Variants in GRM7 observed in about 807,000 individuals in gnomAD.
The protein encoded by GRM7 is metabotropic glutamate receptor 7.
GRM7 carries 35 observed loss-of-function variants against 84.5 expected under a neutral mutation model. The ratio of observed to expected loss-of-function variants is 0.41; its 90% CI spans 0.32 to 0.55. GRM7 has a LOEUF of 0.55. Ranked by LOEUF, GRM7 falls within the 20% of genes least tolerant of loss-of-function variation. The pLI, the probability that GRM7 is intolerant of heterozygous loss-of-function variation, is 0.19. For missense variants in GRM7, 1,003 were observed against 1,194.6 expected (o/e 0.84, Z 2.36); for synonymous variants, 487 against 455.1 (o/e 1.07, Z -0.89).
At chr3:7,529,855 T>TGTC (rs538797039) in intron 7 of GRM7, among the ~76,000 whole-genome samples, 126 of 143,844 alleles carry the variant, frequency 8.8e-4, no homozygotes, top group African/African-American at 2.9e-3. Flanking sequence ...ACAAATAAGC[T>TGTC]GTTGTTGTTG....
chr3:7,668,479 C>T lies in GRM7; in HGVS notation c.2452-11570C>T, dbSNP rs181248734. 9.2e-5 allele frequency among the ~76,000 whole-genome samples: 14 copies of T among 152,312 alleles called. No individual in the cohort carries two copies. The East Asian group carries it at 1.4e-3, about 15-fold the overall frequency. ...CCTCCCTTTCTCTCTCTCTCTTTTACGCACATGTACACATTTAAATATGGA... is the reference window on the plus strand; with the variant it reads ...CCTCCCTTTCTCTCTCTCTCTTTTATGCACATGTACACATTTAAATATGGA... On this transcript the variant is annotated intron_variant, in intron 8 of 9. Coordinates refer to ENST00000357716, the MANE Select transcript of GRM7 (RefSeq NM_000844.4).
chr3:6,909,925 C>A (rs909769488), intron 1 of GRM7, among the ~76,000 whole-genome samples: 3 of 151,896 alleles, frequency 2.0e-5, no homozygotes, highest in South Asian at 2.1e-4. Flanking sequence ...CTTTAGGGGG[C>A]AAATTTATGT....
intron 4 of GRM7, among the ~76,000 whole-genome samples, chr3:7,364,481 A>G (rs1487017662): frequency 2.0e-5 from 3 of 151,782 alleles, no homozygotes; most frequent in African/African-American, 7.2e-5. Flanking sequence ...CTTTGTTGCA[A>G]AAATTGACAT....
chr3:7,639,121 A>G (rs1698244413), intron 8 of GRM7, among the ~76,000 whole-genome samples: 1 of 152,142 alleles, frequency 6.6e-6, no homozygotes, highest in Non-Finnish European at 1.5e-5. Flanking sequence ...CTCGAAGACA[A>G]TCCTACATGG....
chr3:7,222,514 T>C (rs1378320750), intron 2 of GRM7, among the ~76,000 whole-genome samples: 1 of 152,084 alleles, frequency 6.6e-6, no homozygotes, highest in African/African-American at 2.4e-5. Flanking sequence ...GCCAATGGCC[T>C]GAATGAGTTT....
chr3:7,494,777 T>C (rs1252693081), intron 7 of GRM7, among the ~76,000 whole-genome samples: 1 of 152,216 alleles, frequency 6.6e-6, no homozygotes, highest in Admixed American at 6.6e-5. Context: ...TTAAGCAATA[T>C]TGTTTTCACT....
At chr3:7,726,516 T>C (rs1343318651) in intron 9 of GRM7, among the ~76,000 whole-genome samples, 1 of 149,308 alleles carries the variant, frequency 6.7e-6, no homozygotes, top group Non-Finnish European at 1.5e-5. Context: ...TTTTGAAAAG[T>C]TTAAAACTTA....
At chr3:7,132,897 TACTTGACTATTCAATAA>T (rs1693651709) in intron 1 of GRM7, among the ~76,000 whole-genome samples, 3 of 152,268 alleles carry the variant, frequency 2.0e-5, no homozygotes, top group African/African-American at 7.2e-5. Context: ...CCATGTAGTT[TACTTGACTATTCAATAA>T]ACCATAACAC....
chr3:7,231,347 A>T (rs1697191523), intron 2 of GRM7, among the ~76,000 whole-genome samples: 1 of 152,230 alleles, frequency 6.6e-6, no homozygotes, highest in Non-Finnish European at 1.5e-5. Context: ...GCATTTAAAT[A>T]TGTTTCTTTG....
At chr3:6,983,083 T>C (rs1289374286) in intron 1 of GRM7, among the ~76,000 whole-genome samples, 1 of 152,220 alleles carries the variant, frequency 6.6e-6, no homozygotes, top group African/African-American at 2.4e-5. Flanking sequence ...TATAAAATTG[T>C]CTCTGCTTTT....
chr3:7,415,781 T>C (rs921059316), intron 5 of GRM7, among the ~76,000 whole-genome samples: 1 of 152,116 alleles, frequency 6.6e-6, no homozygotes, highest in Non-Finnish European at 1.5e-5. Context: ...GGGGATCTGG[T>C]GGTGAGCAAA....
intron 1 of GRM7, among the ~76,000 whole-genome samples, chr3:6,993,796 G>T (rs142800379): frequency 1.3e-5 from 2 of 152,274 alleles, no homozygotes; most frequent in African/African-American, 4.8e-5. Context: ...ACATATAGAA[G>T]GAGATGTAAA....
intron 7 of GRM7, among the ~76,000 whole-genome samples, chr3:7,546,010 T>C (rs992147302): frequency 6.6e-6 from 1 of 152,216 alleles, no homozygotes; most frequent in African/African-American, 2.4e-5. Flanking sequence ...TTACTTAGTG[T>C]AGTGCCTGGT....
At chr3:6,925,368 AC>A (rs1327297873) in intron 1 of GRM7, among the ~76,000 whole-genome samples, 1 of 152,124 alleles carries the variant, frequency 6.6e-6, no homozygotes, top group Non-Finnish European at 1.5e-5. Context: ...CAAACTCAGC[AC>A]CCTTCTCAAA....
chr3:7,122,911 C>T (rs1289230024), intron 1 of GRM7, among the ~76,000 whole-genome samples: 1 of 136,952 alleles, frequency 7.3e-6, no homozygotes, highest in Non-Finnish European at 1.5e-5. Context: ...TCCATTTAAC[C>T]TTGAATATCA....
At chr3:7,065,046 T>A (rs1456439535) in intron 1 of GRM7, among the ~76,000 whole-genome samples, 1 of 152,024 alleles carries the variant, frequency 6.6e-6, no homozygotes, top group African/African-American at 2.4e-5. Context: ...GTTTGTTTTT[T>A]TCTTACTGAT....
At chr3:7,616,684 C>T (rs1697096505) in intron 8 of GRM7, among the ~76,000 whole-genome samples, 1 of 152,038 alleles carries the variant, frequency 6.6e-6, no homozygotes, top group Non-Finnish European at 1.5e-5. Flanking sequence ...TAATAAACTT[C>T]TTAAAAAGTA....
intron 1 of GRM7, among the ~76,000 whole-genome samples, chr3:6,948,022 T>C (rs1483661530): frequency 2.6e-5 from 4 of 152,196 alleles, no homozygotes; most frequent in African/African-American, 9.6e-5. Context: ...GATTCATTGA[T>C]TTTTTTGAAG....
rs1699616547 is a variant in GRM7, at chr3:7,664,864, T to C, written c.2452-15185T>C. On this transcript the variant is annotated intron_variant, in intron 8 of 9. Coordinates refer to ENST00000357716, the MANE Select transcript of GRM7 (RefSeq NM_000844.4). ...CCCTCCTGCTTTATGGCTGGTTTTC[T>C]TAGTCTACTCTTGATCTCAAATTAG... Among the ~76,000 whole-genome samples the C allele has an allele frequency of 4.3e-5, 5 of 116,288 alleles. No homozygotes were observed. In the South Asian group the frequency reaches 1.3e-3, roughly 31 times the overall value. The allele number at this position is 116,288 out of a possible 152,430, so 76.3% of individuals were successfully genotyped here.
Sources: gnomAD v4.1 joint callset for allele counts (sites outside exome capture counted in the v4.1 genomes callset) on GRCh38, gnomAD v4.1.1 for gene constraint, MANE v1.5 for transcripts, NCBI Gene and HGNC (gene_info 2026-07-23, HGNC 2026-07-21) for gene names.